Variants in BLVRB observed in about 807,000 individuals in gnomAD.
The protein encoded by BLVRB is flavin reductase (NADPH).
Under a neutral mutation model 21.1 loss-of-function variants are expected in BLVRB, and 25 were observed. That is an observed-to-expected ratio of 1.19 (90% CI 0.86 to 1.66). The LOEUF (loss-of-function observed/expected upper bound fraction) is 1.66. BLVRB is among the 40% of genes most tolerant of loss of function. BLVRB has a pLI of 0.00. For missense variants in BLVRB, 274 were observed against 282.7 expected, an observed-to-expected ratio of 0.97 and a Z score of 0.22; for synonymous variants, 128 against 122.2, an observed-to-expected ratio of 1.05 and a Z score of -0.31.
intron 3 of BLVRB, among the ~76,000 whole-genome samples, chr19:40,454,972 T>G (rs268696): frequency 0.56 from 85,038 of 151,946 alleles, 25,852 homozygotes; most frequent in African/African-American, 0.81. Context: ...TTCCCAAGTA[T>G]TGGGGACCAC....
At position 40,451,348 on chromosome 19, in the gene BLVRB, T is replaced by C; in HGVS notation, c.463+16A>G. 1 of 1,592,918 alleles carries C rather than the reference T, an allele frequency of 6.3e-7. No individual in the cohort carries two copies. The highest frequency in any genetic ancestry group is 8.5e-7 in the Non-Finnish European group (1 of 1,169,822). On this transcript the variant is annotated intron_variant, in intron 4 of 4. Coordinates refer to ENST00000263368, the MANE Select transcript of BLVRB (RefSeq NM_000713.3). Reference sequence around the variant, plus strand: ...GGCAGATGGCATTGGTGCCACCAGGTCCCTGCCCTGCTTACCTATGTGTGG... The same window carrying C: ...GGCAGATGGCATTGGTGCCACCAGGCCCCTGCCCTGCTTACCTATGTGTGG...
intron 3 of BLVRB, among the ~76,000 whole-genome samples, chr19:40,456,360 G>A (rs1383294366): frequency 1.3e-5 from 2 of 151,476 alleles, no homozygotes; most frequent in African/African-American, 2.4e-5. Context: ...GGGTTCAAGG[G>A]TACAATGAGC....
At chr19:40,460,630 A>AT (rs1040523341) in intron 1 of BLVRB, among the ~76,000 whole-genome samples, 103 of 151,796 alleles carry the variant, frequency 6.8e-4, no homozygotes, top group Non-Finnish European at 2.2e-4. Context: ...ATTAAATTAA[A>AT]TTAAATTAAA....
chr19:40,457,341 C>A (rs541371943), intron 3 of BLVRB, among the ~76,000 whole-genome samples: 1 of 152,286 alleles, frequency 6.6e-6, no homozygotes, highest in Non-Finnish European at 1.5e-5. Flanking sequence ...TAATTACAAT[C>A]ATCAGGCAGC....
chr19:40,455,120 T>C (rs1414208224), intron 3 of BLVRB, among the ~76,000 whole-genome samples: 1 of 152,196 alleles, frequency 6.6e-6, no homozygotes, highest in Non-Finnish European at 1.5e-5. Flanking sequence ...GTGCTAGGAT[T>C]ACAGGCGTGA....
intron 3 of BLVRB, among the ~76,000 whole-genome samples, chr19:40,451,924 C>T (rs2079741970): frequency 1.3e-5 from 2 of 152,272 alleles, no homozygotes; most frequent in South Asian, 2.1e-4. Flanking sequence ...TCTGGGGCTC[C>T]TCTTTCCCTC....
At chr19:40,451,056 C>T (rs62106982) in intron 4 of BLVRB, among the ~76,000 whole-genome samples, 25,105 of 152,078 alleles carry the variant, frequency 0.17, 2,148 homozygotes, top group South Asian at 0.19. Flanking sequence ...CACCACTCCC[C>T]AGAGGTGAAA....
chr19:40,458,895 G>A (rs890978230), intron 1 of BLVRB, among the ~76,000 whole-genome samples: 3 of 151,704 alleles, frequency 2.0e-5, no homozygotes, highest in South Asian at 2.1e-4. Context: ...GTTTTGCCAT[G>A]TTGCCCAGGC....
Position 40,447,867 on chromosome 19 carries a change from C to T in BLVRB, c.*22G>A, listed in dbSNP as rs375620073. ...TGCTCCTCATGTCCCAGAATGCCAC[C>T]CTCCCAGATGGGGACAGAGTGCTAC... On this transcript the variant is annotated 3_prime_UTR_variant, in exon 5 of 5. Transcript: ENST00000263368. 4 of 1,596,896 alleles carry T rather than the reference C, an allele frequency of 2.5e-6. No individual in the cohort carries two copies. The highest frequency in any genetic ancestry group is 3.4e-5 in the Admixed American group (2 of 59,516).
intron 1 of BLVRB, among the ~76,000 whole-genome samples, chr19:40,460,899 G>A (rs749995804): frequency 2.3e-4 from 35 of 152,176 alleles, no homozygotes; most frequent in Non-Finnish European, 4.9e-4. Flanking sequence ...TTGAACCCAG[G>A]AGGTAGAGAT....
At chr19:40,448,218 T>C (rs1599684428) in intron 4 of BLVRB, among the ~76,000 whole-genome samples, 172 bp from the exon 5 acceptor site, 1 of 152,128 alleles carries the variant, frequency 6.6e-6, no homozygotes, top group Non-Finnish European at 1.5e-5. Flanking sequence ...CTTTGCTTCA[T>C]TCATTCGATA....
At chr19:40,464,397 C>T (rs1427673260) in intron 1 of BLVRB, among the ~76,000 whole-genome samples, 1 of 141,092 alleles carries the variant, frequency 7.1e-6, no homozygotes, top group Non-Finnish European at 1.6e-5. Context: ...CCTGGCCAGC[C>T]CTTCCCTTTG....
At chr19:40,460,699 G>A (rs1054874176) in intron 1 of BLVRB, among the ~76,000 whole-genome samples, 1 of 152,014 alleles carries the variant, frequency 6.6e-6, no homozygotes, top group African/African-American at 2.4e-5. Flanking sequence ...GGTGCTGGGC[G>A]CGATGGCTCA....
intron 1 of BLVRB, among the ~76,000 whole-genome samples, chr19:40,464,471 C>A (rs56082917): frequency 6.6e-6 from 1 of 152,204 alleles, no homozygotes; most frequent in Non-Finnish European, 1.5e-5. Context: ...TCTGAAGCTC[C>A]CTAGGCTCCA....
Position 40,465,626 on chromosome 19 carries a change from CGCCAGGGTGGTGA to C in BLVRB, c.50_62del (p.Leu17ArgfsTer10), listed in dbSNP as rs777296115. The C allele has an allele frequency of 3.1e-5, 50 of 1,612,344 alleles. 1 individual carries two copies. The African/African-American group carries it at 6.3e-4, about 20-fold the overall frequency. On this transcript the variant is annotated frameshift_variant, in exon 1 of 5. Transcript: ENST00000263368. LOFTEE classifies it high-confidence loss of function. ...GGCTCATGCCTGCTTGCACCGCCTGCGCCAGGGTGGTGAGCCCGGTCTGGCCAGTGGCGCCGAA... is the reference window on the plus strand; with the variant it reads ...GGCTCATGCCTGCTTGCACCGCCTGCGCCCGGTCTGGCCAGTGGCGCCGAA...
intron 4 of BLVRB, among the ~76,000 whole-genome samples, chr19:40,448,619 AT>A (rs2079725320): frequency 0.01 from 563 of 54,618 alleles, 11 homozygotes; most frequent in African/African-American, 0.061. Context: ...ATATATATAT[AT>A]ATATATATAT....
intron 1 of BLVRB, among the ~76,000 whole-genome samples, chr19:40,462,440 G>A (rs186028024): frequency 7.3e-5 from 11 of 151,486 alleles, no homozygotes; most frequent in African/African-American, 1.5e-4. Context: ...CACAACACCC[G>A]GCGAATTTTT....
At chr19:40,458,278 G>A in intron 2 of BLVRB, 34 bp from the exon 3 acceptor site, 1 of 1,556,676 alleles carries the variant, frequency 6.4e-7, no homozygotes, top group South Asian at 1.2e-5. Flanking sequence ...GTCACTGGTG[G>A]GCGGCGGCGG....
At chr19:40,452,355 C>T (rs539703070) in intron 3 of BLVRB, among the ~76,000 whole-genome samples, 1 of 152,246 alleles carries the variant, frequency 6.6e-6, no homozygotes, top group South Asian at 2.1e-4. Flanking sequence ...TTCTGTTGTC[C>T]AGGCTGGAGG....
Sources: gnomAD v4.1 joint callset for allele counts (sites outside exome capture counted in the v4.1 genomes callset) on GRCh38, gnomAD v4.1.1 for gene constraint, MANE v1.5 for transcripts, NCBI Gene and HGNC (gene_info 2026-07-23, HGNC 2026-07-21) for gene names.